FRK: variants seen among roughly 807,000 people sequenced by gnomAD.
FRK encodes tyrosine-protein kinase FRK.
A neutral mutation model predicts 56.4 loss-of-function variants in FRK; 51 were observed. The ratio of observed to expected loss-of-function variants is 0.90; its 90% CI spans 0.72 to 1.14. FRK has a LOEUF of 1.14. Ranked by LOEUF, FRK falls within the 50% of genes most tolerant of loss-of-function variation. FRK has a pLI of 0.00. For missense variants in FRK, 570 were observed against 601.4 expected, an observed-to-expected ratio of 0.95 and a Z score of 0.55; for synonymous variants, 245 against 217.9, an observed-to-expected ratio of 1.12 and a Z score of -1.10.
At chr6:116,063,102 T>C (rs911512877), upstream of FRK, among the ~76,000 whole-genome samples, 12 of 152,156 alleles carry the variant, frequency 7.9e-5, no homozygotes, top group African/African-American at 2.9e-4. Flanking sequence ...TGATAAGTCA[T>C]TCCTAGTCAT....
At chr6:115,987,985 G>A (rs1022724450) in intron 2 of FRK, among the ~76,000 whole-genome samples, 2 of 152,018 alleles carry the variant, frequency 1.3e-5, no homozygotes, top group African/African-American at 4.8e-5. Context: ...ATCTGCAGGT[G>A]GTAAAGAGAT....
chr6:115,959,879 T>A (rs1432640794), intron 4 of FRK, among the ~76,000 whole-genome samples: 1 of 152,184 alleles, frequency 6.6e-6, no homozygotes. Context: ...ACTATTCACT[T>A]GTTACACCAG....
rs34026302 is a variant in FRK, at chr6:115,953,180, A to ACTTTTTTTTTTTTTTTTT, written c.958+3271_958+3272insAAAAAAAAAAAAAAAAAG. On this transcript the variant is annotated intron_variant, in intron 5 of 7. Transcript: ENST00000606080. ...AGAGTGGTACATCCATTTTAAGGCC[A>ACTTTTTTTTTTTTTTTTT]TTTTTTTTTTTTTTTTTTTTTTTTT... Among the ~76,000 whole-genome samples the ACTTTTTTTTTTTTTTTTT allele has an allele frequency of 1.2e-4, 12 of 104,032 alleles. 5 individuals carry two copies. Among genetic ancestry groups the ACTTTTTTTTTTTTTTTTT allele is most frequent in the African/African-American group, 7.3e-5 (2 of 27,214 alleles). The allele number at this position is 104,032 out of a possible 152,430, so 68.2% of individuals were successfully genotyped here.
intron 2 of FRK, among the ~76,000 whole-genome samples, chr6:115,990,673 T>C (rs570365303): frequency 2.6e-4 from 40 of 152,058 alleles, no homozygotes; most frequent in African/African-American, 8.9e-4. Flanking sequence ...GTACTTATTA[T>C]AGCCTTGTAA....
intron 1 of FRK, among the ~76,000 whole-genome samples, chr6:116,056,393 T>TA (rs1777401713): frequency 6.6e-6 from 1 of 152,070 alleles, no homozygotes; most frequent in South Asian, 2.1e-4. Context: ...GCAAATTTTT[T>TA]AATTTTTTTG....
the FRK span, among the ~76,000 whole-genome samples, chr6:116,080,408 A>G: frequency 0.18 from 27,140 of 151,958 alleles, 2,891 homozygotes; most frequent in African/African-American, 0.29. Flanking sequence ...CCCACCTCAG[A>G]CTCCCAAAGT....
intron 1 of FRK, among the ~76,000 whole-genome samples, chr6:116,058,183 G>A (rs1777467142): frequency 6.6e-6 from 1 of 152,060 alleles, no homozygotes; most frequent in Admixed American, 6.6e-5. Flanking sequence ...TATGCATAAT[G>A]CCATACAGGA....
chr6:116,044,822 T>C (rs1447265560), intron 1 of FRK, among the ~76,000 whole-genome samples: 1 of 152,238 alleles, frequency 6.6e-6, no homozygotes, highest in Non-Finnish European at 1.5e-5. Context: ...CATGATTGTG[T>C]ATTTAGAAAA....
At chr6:115,954,573 T>C (rs1203978343) in intron 5 of FRK, among the ~76,000 whole-genome samples, 1 of 152,130 alleles carries the variant, frequency 6.6e-6, no homozygotes, top group Non-Finnish European at 1.5e-5. Flanking sequence ...TGAGTTGCTA[T>C]GGTCAAAGAA....
chr6:116,018,849 C>T (rs1224665833), intron 1 of FRK, among the ~76,000 whole-genome samples: 1 of 151,824 alleles, frequency 6.6e-6, no homozygotes, highest in African/African-American at 2.4e-5. Context: ...TTCACTGTGA[C>T]CCAGGAAAGG....
chr6:116,080,050 T>A, the FRK span, among the ~76,000 whole-genome samples: 1 of 152,154 alleles, frequency 6.6e-6, no homozygotes, highest in Non-Finnish European at 1.5e-5. Flanking sequence ...GAATATGTAC[T>A]TTTTTTATAA....
At chr6:115,953,585 C>T (rs1390097379) in intron 5 of FRK, among the ~76,000 whole-genome samples, 1 of 152,210 alleles carries the variant, frequency 6.6e-6, no homozygotes, top group Non-Finnish European at 1.5e-5. Context: ...TAATCATCAT[C>T]CTCACAAATG....
At chr6:116,039,452 C>T in intron 1 of FRK, 1 of 1,563,514 alleles carries the variant, frequency 6.4e-7, no homozygotes, top group Non-Finnish European at 8.8e-7. Context: ...GGTGATGCTT[C>T]CCTCAAGCCC....
intron 1 of FRK, among the ~76,000 whole-genome samples, chr6:116,027,016 G>A (rs1044455311): frequency 6.6e-6 from 1 of 152,178 alleles, no homozygotes; most frequent in African/African-American, 2.4e-5. Flanking sequence ...AATAGGATCA[G>A]GTCTTAAAGA....
At chr6:115,949,632 T>C (rs1004757689) in intron 5 of FRK, among the ~76,000 whole-genome samples, 60 of 152,192 alleles carry the variant, frequency 3.9e-4, no homozygotes, top group Non-Finnish European at 8.8e-5. Context: ...GATTCAATGC[T>C]ATTCTCATCA....
the FRK span, among the ~76,000 whole-genome samples, chr6:116,073,490 T>C: frequency 6.6e-6 from 1 of 152,246 alleles, no homozygotes; most frequent in Non-Finnish European, 1.5e-5. Flanking sequence ...AGAAATGTAT[T>C]GAACTTAACA....
rs1165266842 is a variant in FRK at position 115,937,660 on chromosome 6, A to G, written c.*4754T>C. 3.3e-5 allele frequency: 5 copies of G among 152,318 alleles called. No individual in the cohort carries two copies. Among genetic ancestry groups the G allele is most frequent in the Non-Finnish European group, 5.9e-5 (4 of 68,028 alleles). 9.4% of individuals were successfully genotyped at this position (152,318 alleles called of 1,614,324 possible). A position where few individuals can be genotyped will look rare whatever the true frequency, so the allele number is the denominator to read the frequency against. On this transcript the variant is annotated 3_prime_UTR_variant, in exon 8 of 8. Coordinates refer to ENST00000606080, the MANE Select transcript of FRK (RefSeq NM_002031.3). ...GAAGCAAACGGAAAGCAGAAAAAAA[A>G]AGCAGGGGTTGCAATCCTAGTCTCT... is the stretch of plus-strand genomic sequence containing the variant.
intron 1 of FRK, among the ~76,000 whole-genome samples, chr6:116,029,746 G>A (rs139531114): frequency 6.6e-6 from 1 of 152,186 alleles, no homozygotes; most frequent in East Asian, 1.9e-4. Flanking sequence ...CTTTTCTGAG[G>A]TCAAATTAGC....
the FRK span, among the ~76,000 whole-genome samples, chr6:116,078,658 C>A: frequency 1.3e-3 from 197 of 152,274 alleles, no homozygotes; most frequent in African/African-American, 4.6e-3. Flanking sequence ...TTGTCAGATG[C>A]GTGCTCATGT....
Sources: gnomAD v4.1 joint callset for allele counts (sites outside exome capture counted in the v4.1 genomes callset) on GRCh38, gnomAD v4.1.1 for gene constraint, MANE v1.5 for transcripts, NCBI Gene and HGNC (gene_info 2026-07-23, HGNC 2026-07-21) for gene names.